PALS2: variants seen among roughly 807,000 people sequenced by gnomAD.
The protein encoded by PALS2 is protein associated with LIN7 2, MAGUK p55 family member.
Under a neutral mutation model 61.6 loss-of-function variants are expected in PALS2, and 27 were observed. That is an observed-to-expected ratio of 0.44 (90% CI 0.32 to 0.60). The LOEUF (loss-of-function observed/expected upper bound fraction) is 0.60. Ranked by LOEUF, PALS2 falls within the 20% of genes least tolerant of loss-of-function variation. The pLI is 0.05. For missense variants in PALS2, 554 were observed against 639.4 expected, an observed-to-expected ratio of 0.87 and a Z score of 1.44; for synonymous variants, 236 against 218.6, an observed-to-expected ratio of 1.08 and a Z score of -0.70.
At chr7:24,642,941 A>G (rs1014837275) in intron 3 of PALS2, among the ~76,000 whole-genome samples, 1 of 152,154 alleles carries the variant, frequency 6.6e-6, no homozygotes, top group African/African-American at 2.4e-5. Flanking sequence ...TTAACCAGGG[A>G]AAGGTCAGGT....
intron 2 of PALS2, among the ~76,000 whole-genome samples, chr7:24,628,771 G>A (rs1208232685): frequency 1.3e-5 from 2 of 151,926 alleles, no homozygotes; most frequent in Non-Finnish European, 2.9e-5. Flanking sequence ...AAAACACCTA[G>A]GAATACAACT....
chr7:24,636,213 A>T (rs1171412669), intron 2 of PALS2, among the ~76,000 whole-genome samples: 3 of 116,292 alleles, frequency 2.6e-5, no homozygotes, highest in Non-Finnish European at 5.4e-5. Context: ...ACTCTATCTC[A>T]AAAAAAAAAA....
chr7:24,639,419 C>CACACAA (rs1462983159), intron 2 of PALS2, among the ~76,000 whole-genome samples: 153 of 152,022 alleles, frequency 1.0e-3, no homozygotes, highest in African/African-American at 3.5e-3. Flanking sequence ...CACACACACA[C>CACACAA]ACACACACAC....
At chr7:24,578,197 C>T (rs1355199827) in intron 1 of PALS2, among the ~76,000 whole-genome samples, 2 of 152,284 alleles carry the variant, frequency 1.3e-5, no homozygotes, top group South Asian at 2.1e-4. Flanking sequence ...GGGATTCTCT[C>T]GCCTCAGTGC....
intron 9 of PALS2, among the ~76,000 whole-genome samples, chr7:24,672,196 CTGTTT>C (rs57538997): frequency 0.13 from 18,993 of 145,036 alleles, 1,792 homozygotes; most frequent in African/African-American, 0.27. Flanking sequence ...CTACTGCCAT[CTGTTT>C]TGTTTTGTTT....
At position 24,687,713 on chromosome 7, in the gene PALS2, T is replaced by G; in HGVS notation, c.*99T>G. On this transcript the variant is annotated 3_prime_UTR_variant, in exon 12 of 12. Transcript: ENST00000222644. This position sits in a 1 kb window ranked among gnomAD's most constrained non-coding sequence, Gnocchi z 4.5. ...AATACATCACAGATAGAAGATTATC[T>G]GCTAAGTCCAGGCATTTTTATGGTG... is the stretch of plus-strand genomic sequence containing the variant. 8.0e-7 allele frequency: 1 copy of G among 1,243,182 alleles called. No individual in the cohort carries two copies. The highest frequency in any genetic ancestry group is 1.1e-6 in the Non-Finnish European group (1 of 912,492). The allele number at this position is 1,243,182 out of a possible 1,614,324, so 77.0% of individuals were successfully genotyped here.
intron 3 of PALS2, among the ~76,000 whole-genome samples, chr7:24,648,953 C>A (rs1785993869): frequency 6.6e-6 from 1 of 151,484 alleles, no homozygotes; most frequent in South Asian, 2.1e-4. Context: ...TCAAAACCAC[C>A]CATGCTGGTA....
At chr7:24,648,822 T>G (rs962504649) in intron 3 of PALS2, among the ~76,000 whole-genome samples, 7 of 151,018 alleles carry the variant, frequency 4.6e-5, no homozygotes, top group African/African-American at 1.7e-4. Context: ...GGAGAATCAC[T>G]TGAACCCAGG....
At chr7:24,585,887 C>G (rs1283999927) in intron 1 of PALS2, among the ~76,000 whole-genome samples, 2 of 152,170 alleles carry the variant, frequency 1.3e-5, no homozygotes, top group African/African-American at 4.8e-5. Flanking sequence ...GTGTGCACCA[C>G]TAATATCTTC....
At chr7:24,598,642 G>A (rs55639119) in intron 1 of PALS2, among the ~76,000 whole-genome samples, 10,172 of 152,170 alleles carry the variant, frequency 0.067, 409 homozygotes, top group African/African-American at 0.11. Context: ...ACTGAGTTAG[G>A]ACCTCTTTGG....
rs1269954764 is a variant in PALS2 at position 24,595,498 on chromosome 7, TTAATATATATAATATA to T, written c.-3+21931_-3+21946del. ...ATATGTAAATATATATTATATATTT[TTAATATATATAATATA>T]TAATATATATAATATATAATATATA... On this transcript the variant is annotated intron_variant, in intron 1 of 11. Transcript: ENST00000222644. 2.9e-3 allele frequency among the ~76,000 whole-genome samples: 341 copies of T among 117,746 alleles called. 2 individuals are homozygous for T. The highest frequency in any genetic ancestry group is 0.011 in the East Asian group (39 of 3,504). The allele number at this position is 117,746 out of a possible 152,430, so 77.2% of individuals were successfully genotyped here.
At chr7:24,627,805 C>T (rs896923263) in intron 2 of PALS2, among the ~76,000 whole-genome samples, 2 of 152,168 alleles carry the variant, frequency 1.3e-5, no homozygotes, top group Non-Finnish European at 2.9e-5. Context: ...ATAACACCCT[C>T]CCAAGACTAA....
chr7:24,682,889 AT>A (rs140190441), intron 11 of PALS2, among the ~76,000 whole-genome samples: 10,510 of 152,092 alleles, frequency 0.069, 445 homozygotes, highest in African/African-American at 0.11. Context: ...TATCCCTTCT[AT>A]TTCCTGTAAA....
chr7:24,619,026 T>C (rs574904774), intron 1 of PALS2, among the ~76,000 whole-genome samples: 1 of 152,348 alleles, frequency 6.6e-6, no homozygotes, highest in African/African-American at 2.4e-5. Context: ...AAGCCAGCTA[T>C]TTACTGACTT....
intron 9 of PALS2, among the ~76,000 whole-genome samples, chr7:24,678,433 AAC>A (rs1486228219): frequency 6.6e-6 from 1 of 152,218 alleles, no homozygotes; most frequent in Non-Finnish European, 1.5e-5. Context: ...TATAAAATAG[AAC>A]AGTTAACATT....
At chr7:24,604,189 G>A (rs1171076804) in intron 1 of PALS2, among the ~76,000 whole-genome samples, 1 of 141,798 alleles carries the variant, frequency 7.1e-6, no homozygotes, top group African/African-American at 2.7e-5. Flanking sequence ...TCTAGCCTGG[G>A]CAGTAAAGAC....
rs1788479960 is a variant in PALS2 at position 24,691,572 on chromosome 7, A to G, written c.*3958A>G. 6.6e-6 allele frequency: 1 copy of G among 151,338 alleles called. No individual in the cohort carries two copies. The highest frequency in any genetic ancestry group is 1.5e-5 in the Non-Finnish European group (1 of 67,742). The allele number at this position is 151,338 out of a possible 1,614,324, so 9.4% of individuals were successfully genotyped here. A position where few individuals can be genotyped will look rare whatever the true frequency, so the allele number is the denominator to read the frequency against. On this transcript the variant is annotated 3_prime_UTR_variant, in exon 12 of 12. Transcript: ENST00000222644. ...ACTCCCATTTCTTTGACATTCTGAAACTTTTTTTAGATTGTTTTAAAACGC... is the reference window on the plus strand; with the variant it reads ...ACTCCCATTTCTTTGACATTCTGAAGCTTTTTTTAGATTGTTTTAAAACGC...
At chr7:24,633,205 CCTT>C (rs1385634457) in intron 2 of PALS2, among the ~76,000 whole-genome samples, 2 of 151,856 alleles carry the variant, frequency 1.3e-5, no homozygotes, top group Non-Finnish European at 2.9e-5. Context: ...ACACCATTTT[CCTT>C]CTTTCTGATG....
chr7:24,605,997 A>T (rs1287965253), intron 1 of PALS2, among the ~76,000 whole-genome samples: 2 of 152,080 alleles, frequency 1.3e-5, no homozygotes, highest in Admixed American at 6.6e-5. Flanking sequence ...CCCAAAGATG[A>T]TCTCCTTATA....
Sources: gnomAD v4.1 joint callset for allele counts (sites outside exome capture counted in the v4.1 genomes callset) on GRCh38, gnomAD v4.1.1 for gene constraint, Gnocchi (gnomAD v3.1) non-coding constraint, MANE v1.5 for transcripts, NCBI Gene and HGNC (gene_info 2026-07-23, HGNC 2026-07-21) for gene names.